Variants in RNF213 observed in about 807,000 individuals in gnomAD.
The protein encoded by RNF213 is E3 ubiquitin-protein ligase RNF213.
A neutral mutation model predicts 514.4 loss-of-function variants in RNF213; 341 were observed. The observed-to-expected ratio is 0.66, with a 90% CI of 0.61 to 0.73. The LOEUF (loss-of-function observed/expected upper bound fraction) is 0.73. Ranked by LOEUF, RNF213 falls within the 30% of genes least tolerant of loss-of-function variation. The pLI is 0.00. For synonymous variants in RNF213, 2,655 were observed against 2,658.2 expected, an observed-to-expected ratio of 1.00 and a Z score of 0.04; for missense variants, 5,767 against 6,615.6, an observed-to-expected ratio of 0.87 and a Z score of 4.45.
rs754908313 is a variant in RNF213 at position 80,361,828 on chromosome 17, G to C, written c.11295G>C (p.Gln3765His). Reference protein sequence around the residue: ...LHGEPQQELLQCYLKDFILLT... With the variant: ...LHGEPQQELLHCYLKDFILLT... ...GAGAGCCGCAGCAGGAACTTCTTCAGTGTTACTTGAAGGATTTCATTCTCT... is the reference window on the plus strand; with the variant it reads ...GAGAGCCGCAGCAGGAACTTCTTCACTGTTACTTGAAGGATTTCATTCTCT... The change falls in exon 39 of 68, where the codon CAG (glutamine) becomes CAC (histidine). Residue 3765 changes from glutamine to histidine, a missense_variant. By Grantham distance (24) the Gln-to-His change is conservative (BLOSUM62 0). Coordinates refer to ENST00000582970, the MANE Select transcript of RNF213 (RefSeq NM_001256071.3). 8 of 1,613,976 alleles carry C rather than the reference G, an allele frequency of 5.0e-6. No homozygotes were observed. In the Admixed American group the frequency reaches 5.0e-5, roughly 10 times the overall value.
At chr17:80,335,007 C>T (rs1242121713) in intron 22 of RNF213, among the ~76,000 whole-genome samples, 2 of 151,098 alleles carry the variant, frequency 1.3e-5, no homozygotes, top group South Asian at 2.1e-4. Flanking sequence ...CTGCAACCTC[C>T]ACCTCCTGGA....
In RNF213 at chr17:80,372,391, T is replaced by C; in HGVS notation, c.12538-130T>C. The stretch of plus-strand genomic sequence containing the variant: ...TGTTAGGTTTCCATAAGTCAAGAAA[T>C]TTACACTGAAACCTACAGTAACATT... On this transcript the variant is annotated intron_variant, in intron 47 of 67. Coordinates refer to ENST00000582970, the MANE Select transcript of RNF213 (RefSeq NM_001256071.3). 8.4e-6 allele frequency: 6 copies of C among 718,294 alleles called. No homozygotes were observed. In the South Asian group the frequency reaches 8.6e-5, roughly 10 times the overall value. The allele number at this position is 718,294 out of a possible 1,614,324, so 44.5% of individuals were successfully genotyped here.
intron 21 of RNF213, 121 bp from the exon 22 acceptor site, chr17:80,333,984 G>T (rs2077911160): frequency 1.8e-6 from 2 of 1,115,740 alleles, no homozygotes; most frequent in South Asian, 1.4e-5. Flanking sequence ...TGTTGTCACA[G>T]CAGTGGCAAA....
At position 80,306,809 on chromosome 17, in the gene RNF213, G is replaced by A. The variant is rs544313304; in HGVS notation, c.2428-319G>A. Among the ~76,000 whole-genome samples, 95 of 149,668 alleles carry A rather than the reference G, an allele frequency of 6.3e-4. 2 individuals carry two copies. The South Asian group carries it at 0.019, about 29-fold the overall frequency. ...GGAGCTTGCAGTGAGCCGAGATCAC[G>A]CCGCTGCACTCCAGCCTGGGTGACA... On this transcript the variant is annotated intron_variant, in intron 12 of 67. Transcript: ENST00000582970.
intron 42 of RNF213, among the ~76,000 whole-genome samples, chr17:80,366,167 T>A (rs1271594107): frequency 6.6e-6 from 1 of 152,162 alleles, no homozygotes; most frequent in African/African-American, 2.4e-5. Flanking sequence ...GCTGGCTCCC[T>A]CGGCCGGGCA....
Position 80,381,745 on chromosome 17 carries a change from G to C in RNF213, c.13978+18G>C. The stretch of plus-strand genomic sequence containing the variant: ...TAGCAGAAGTGAGGAAAGGGGCAAG[G>C]GCTGGGCGGGGATCACACAGCACAA... On this transcript the variant is annotated intron_variant, in intron 57 of 67. Coordinates refer to ENST00000582970, the MANE Select transcript of RNF213 (RefSeq NM_001256071.3). The C allele has an allele frequency of 6.2e-7, 1 of 1,607,862 alleles. No homozygotes were observed. Among genetic ancestry groups the C allele is most frequent in the Non-Finnish European group, 8.5e-7 (1 of 1,178,174 alleles).
intron 35 of RNF213, 46 bp downstream of exon 35, chr17:80,354,212 T>C: frequency 6.2e-7 from 1 of 1,601,614 alleles, no homozygotes; most frequent in Non-Finnish European, 8.5e-7. Flanking sequence ...ACGTGGGCTC[T>C]TCCTGAGGAG....
At position 80,288,675 on chromosome 17, in the gene RNF213, G is replaced by T. The variant is rs1388566794; in HGVS notation, c.853G>T (p.Ala285Ser). Residue 285 changes from alanine (A) to serine (S), a missense_variant, in exon 5 of 68, where the codon GCC becomes TCC. This residue lies in a region of RNF213 where 509 missense variants were observed against 496.7 expected (regional missense o/e 1.02). Coordinates refer to ENST00000582970, the MANE Select transcript of RNF213 (RefSeq NM_001256071.3). This position sits in a 1 kb window ranked among gnomAD's most constrained non-coding sequence, Gnocchi z 4.9. ...TGAGCCAGCCAATGCAGTTAAAGGG[G>T]CCGGGAAGGAAATGAAAGAGAAGAC... ...VAEPANAVKG[A>S]GKEMKEKTQR... The T allele has an allele frequency of 6.2e-7, 1 of 1,614,212 alleles. No homozygotes were observed.
chr17:80,364,113 G>C (rs1461349013), intron 41 of RNF213, among the ~76,000 whole-genome samples: 2 of 152,176 alleles, frequency 1.3e-5, no homozygotes, highest in East Asian at 3.9e-4. Context: ...CACAGAGCAG[G>C]ACAGGCCCTC....
In RNF213 at chr17:80,377,620, T is replaced by C; in HGVS notation, c.13511-142T>C. 6.8e-6 allele frequency: 6 copies of C among 882,636 alleles called. No individual in the cohort carries two copies. Among genetic ancestry groups the C allele is most frequent in the Non-Finnish European group, 1.2e-5 (6 of 513,774 alleles). The allele number at this position is 882,636 out of a possible 1,614,324, so 54.7% of individuals were successfully genotyped here. A position where few individuals can be genotyped will look rare whatever the true frequency, so the allele number is the denominator to read the frequency against. ...AAGCTTCAGGCAGGTGTCATGTAAC[T>C]TAACAAATTAGCGTGGGATGCTCTG... On this transcript the variant is annotated intron_variant, in intron 53 of 67. Coordinates refer to ENST00000582970, the MANE Select transcript of RNF213 (RefSeq NM_001256071.3). The surrounding 1 kb of genome is among the most constrained non-coding windows in gnomAD (Gnocchi z 4.1).
rs534196259 is a variant in RNF213, at chr17:80,350,128, G to A, written c.10089-173G>A. 8.9e-4 allele frequency among the ~76,000 whole-genome samples: 136 copies of A among 152,150 alleles called. 1 individual carries two copies. The Middle Eastern group carries it at 0.01, about 11-fold the overall frequency. ...TCCGAGAGCACCATCCTCGGACCTC[G>A]TTAGGAGGCATTCCTTGGGTTTCCT... On this transcript the variant is annotated intron_variant, in intron 30 of 67. Transcript: ENST00000582970.
At chr17:80,306,136 TATTTA>T in intron 11 of RNF213, 111 bp from the exon 12 acceptor site, 1 of 1,008,052 alleles carries the variant, frequency 9.9e-7, no homozygotes, top group Non-Finnish European at 1.6e-6. Context: ...CCTCAAGTAG[TATTTA>T]AATCATTTTT....
chr17:80,353,342 T>G lies in RNF213; in HGVS notation c.10424-170T>G. 1.2e-6 allele frequency: 1 copy of G among 860,552 alleles called. No individual in the cohort carries two copies. The highest frequency in any genetic ancestry group is 1.9e-6 in the Non-Finnish European group (1 of 537,608). The allele number at this position is 860,552 out of a possible 1,614,324, so 53.3% of individuals were successfully genotyped here. On this transcript the variant is annotated intron_variant, in intron 33 of 67. Coordinates refer to ENST00000582970, the MANE Select transcript of RNF213 (RefSeq NM_001256071.3). This position sits in a 1 kb window ranked among gnomAD's most constrained non-coding sequence, Gnocchi z 5.0. The stretch of plus-strand genomic sequence containing the variant: ...CCAGGCTGGAAGGAAGGGGCTGCCT[T>G]GGGGGCTGATCTTCATGACCGTGAT...
chr17:80,370,694 A>C (rs1000280099), intron 46 of RNF213, among the ~76,000 whole-genome samples: 1 of 152,222 alleles, frequency 6.6e-6, no homozygotes, highest in Admixed American at 6.5e-5. Context: ...CGGAGTAGAC[A>C]GTTGCCTCAC....
intron 20 of RNF213, among the ~76,000 whole-genome samples, chr17:80,328,727 C>T (rs774360243): frequency 5.9e-5 from 9 of 152,286 alleles, no homozygotes; most frequent in South Asian, 2.1e-4. Flanking sequence ...GAGCTGCTGA[C>T]GCCCGCTGCA....
At chr17:80,359,805 T>C (rs779771279) in intron 37 of RNF213, among the ~76,000 whole-genome samples, 68 of 152,308 alleles carry the variant, frequency 4.5e-4, no homozygotes, top group Admixed American at 1.3e-3. Flanking sequence ...GCCCGAGATT[T>C]TGGGCAACAC....
chr17:80,296,727 A>G (rs1031798546), intron 10 of RNF213, among the ~76,000 whole-genome samples: 1 of 152,182 alleles, frequency 6.6e-6, no homozygotes, highest in Admixed American at 6.6e-5. Flanking sequence ...CTGTTCCCCC[A>G]GTCTGGAGTG....
intron 49 of RNF213, among the ~76,000 whole-genome samples, chr17:80,374,252 C>G (rs1355283995): frequency 6.6e-6 from 1 of 152,220 alleles, no homozygotes; most frequent in African/African-American, 2.4e-5. Flanking sequence ...CAGGCATTCC[C>G]TGCACTTGCA....
Position 80,374,480 on chromosome 17 carries a change from G to A in RNF213, c.12965G>A (p.Gly4322Asp). Reference sequence around the variant, plus strand: ...CAGGGGCTGCGGCAGGACCACCCAGGCCAGATGGATAGGTACCTGGTGTAC... The same window carrying A: ...CAGGGGCTGCGGCAGGACCACCCAGACCAGATGGATAGGTACCTGGTGTAC... ...KQQGLRQDHP[G>D]QMDRYLVYGD... Residue 4322 changes from glycine to aspartate, a missense_variant, in exon 50 of 68, where the codon GGC (glycine) becomes GAC (aspartate). Gly to Asp is a moderately conservative substitution (Grantham distance 94). This residue lies in a region of RNF213 where 1,245 missense variants were observed against 1,339.0 expected (regional missense o/e 0.93). Transcript: ENST00000582970. The A allele has an allele frequency of 3.1e-6, 5 of 1,614,184 alleles. No homozygotes were observed. Among genetic ancestry groups the A allele is most frequent in the Non-Finnish European group, 4.2e-6 (5 of 1,180,038 alleles).
Sources: gnomAD v4.1 joint callset for allele counts (sites outside exome capture counted in the v4.1 genomes callset) on GRCh38, gnomAD v4.1.1 for gene constraint, gnomAD v4.1.1 regional missense constraint, Gnocchi (gnomAD v3.1) non-coding constraint, MANE v1.5 for transcripts, NCBI Gene and HGNC (gene_info 2026-07-23, HGNC 2026-07-21) for gene names.